Variants in NRP2 observed in about 807,000 individuals in gnomAD.
NRP2 encodes neuropilin-2.
NRP2 carries 52 observed loss-of-function variants against 110.4 expected under a neutral mutation model. The observed-to-expected ratio is 0.47, with a 90% CI of 0.38 to 0.59. The LOEUF (loss-of-function observed/expected upper bound fraction) is 0.59, where lower values mean the gene tolerates loss of function less well. NRP2 is among the 20% of genes least tolerant of loss of function. NRP2 has a pLI of 0.00. For synonymous variants in NRP2, 508 were observed against 468.9 expected, an observed-to-expected ratio of 1.08 and a Z score of -1.08; for missense variants, 1,049 against 1,203.0, an observed-to-expected ratio of 0.87 and a Z score of 1.89.
At chr2:205,716,972 C>G (rs1195897615) in intron 3 of NRP2, among the ~76,000 whole-genome samples, 1 of 152,182 alleles carries the variant, frequency 6.6e-6, no homozygotes, top group Non-Finnish European at 1.5e-5. Context: ...CAAAAAATAG[C>G]AGAAAAAGAG....
intron 15 of NRP2, among the ~76,000 whole-genome samples, chr2:205,772,816 G>T (rs2058042697): frequency 6.6e-6 from 1 of 152,192 alleles, no homozygotes; most frequent in African/African-American, 2.4e-5. Context: ...AGCAATTCGG[G>T]CATCTGGTGC....
At position 205,755,941 on chromosome 2, in the gene NRP2, G is replaced by A. The variant is rs558752734; in HGVS notation, c.2044+2966G>A. Reference sequence around the variant, plus strand: ...CTAGCCGTGTTGAAGTACCCAACACGGGCCCTATGTGGAAACTGCTTACAT... The same window carrying A: ...CTAGCCGTGTTGAAGTACCCAACACAGGCCCTATGTGGAAACTGCTTACAT... On this transcript the variant is annotated intron_variant, in intron 12 of 16. Coordinates refer to ENST00000357785, the MANE Select transcript of NRP2 (RefSeq NM_003872.3). Among the ~76,000 whole-genome samples, 12 of 152,216 alleles carry A rather than the reference G, an allele frequency of 7.9e-5. 1 individual carries two copies. The highest frequency in any genetic ancestry group is 2.1e-4 in the South Asian group (1 of 4,814).
At chr2:205,704,268 C>A (rs1468544394) in intron 2 of NRP2, among the ~76,000 whole-genome samples, 2 of 152,162 alleles carry the variant, frequency 1.3e-5, no homozygotes. Context: ...GTGGCTTCAG[C>A]TGGTCTCCGT....
intron 1 of NRP2, among the ~76,000 whole-genome samples, chr2:205,691,801 T>C (rs1489711505): frequency 1.3e-5 from 2 of 152,206 alleles, no homozygotes; most frequent in African/African-American, 4.8e-5. Context: ...AATGACATTA[T>C]ATCGGCTGCC....
chr2:205,748,580 A>G (rs2057583376), intron 10 of NRP2, among the ~76,000 whole-genome samples: 1 of 152,248 alleles, frequency 6.6e-6, no homozygotes, highest in Admixed American at 6.5e-5. Flanking sequence ...CCGACCGTGA[A>G]AAAGCTATTC....
rs1169376346 is a variant in NRP2 at position 205,763,954 on chromosome 2, G to C, written c.2307+18G>C. 1 of 1,613,748 alleles carries C rather than the reference G, an allele frequency of 6.2e-7. No homozygotes were observed. Among genetic ancestry groups the C allele is most frequent in the Admixed American group, 1.7e-5 (1 of 60,004 alleles). On this transcript the variant is annotated intron_variant, in intron 13 of 16. Transcript: ENST00000357785. The surrounding 1 kb of genome is among the most constrained non-coding windows in gnomAD (Gnocchi z 4.0). ...AGTACCAGGTGGGGTGAGCAAAAAGGGAATCTTGTGATCCGTATTTCAATA... is the reference window on the plus strand; with the variant it reads ...AGTACCAGGTGGGGTGAGCAAAAAGCGAATCTTGTGATCCGTATTTCAATA...
chr2:205,776,742 C>T (rs2058107371), intron 15 of NRP2: 2 of 1,459,550 alleles, frequency 1.4e-6, no homozygotes, highest in Admixed American at 2.3e-5. Context: ...GATTCCAAAC[C>T]AACAAACCCA....
At chr2:205,777,445 G>A (rs1383004503) in intron 15 of NRP2, 2 of 152,208 alleles carry the variant, frequency 1.3e-5, no homozygotes, top group Non-Finnish European at 2.9e-5. Context: ...GCCTTTATCA[G>A]TTACATCCAA....
In NRP2 at chr2:205,794,812, C is replaced by A. The variant is rs1394227256; in HGVS notation, c.2535C>A (p.Pro845=). The change falls in exon 17 of 17, where the codon CCC becomes CCA. Residue 845 remains proline, a synonymous_variant. Transcript: ENST00000357785. ...SSSATSGSGA[P]STDKEKSWLY... Reference sequence around the variant, plus strand: ...CTGCAACCTCAGGGTCTGGCGCCCCCTCGACCGACAAAGAAAAGAGCTGGC... The same window carrying A: ...CTGCAACCTCAGGGTCTGGCGCCCCATCGACCGACAAAGAAAAGAGCTGGC... The A allele has an allele frequency of 6.2e-7, 1 of 1,614,210 alleles. No individual in the cohort carries two copies.
chr2:205,721,638 G>C (rs1266540452), intron 3 of NRP2, among the ~76,000 whole-genome samples: 1 of 152,172 alleles, frequency 6.6e-6, no homozygotes, highest in Non-Finnish European at 1.5e-5. Flanking sequence ...ACCAGGATGC[G>C]AATGTGTGCC....
rs2056156665 is a variant in NRP2, at chr2:205,686,180, C to G, written c.73+2817C>G. Among the ~76,000 whole-genome samples, 1 of 152,158 alleles carries G rather than the reference C, an allele frequency of 6.6e-6. No homozygotes were observed. The highest frequency in any genetic ancestry group is 6.5e-5 in the Admixed American group (1 of 15,288). On this transcript the variant is annotated intron_variant, in intron 1 of 16. Coordinates refer to ENST00000357785, the MANE Select transcript of NRP2 (RefSeq NM_003872.3). This position sits in a 1 kb window ranked among gnomAD's most constrained non-coding sequence, Gnocchi z 4.7. ...GAAAGCAAAACCGAGGCTGAAGCCT[C>G]CGCGAAGTTGGCCGCCTCCAACTAC...
At chr2:205,734,893 G>T (rs976615183) in intron 7 of NRP2, among the ~76,000 whole-genome samples, 1 of 152,196 alleles carries the variant, frequency 6.6e-6, no homozygotes, top group Non-Finnish European at 1.5e-5. Context: ...CCCTGGAGCT[G>T]GCTGACTTCA....
Position 205,682,706 on chromosome 2 carries a change from G to T in NRP2, c.-585G>T, listed in dbSNP as rs1377768599. The T allele has an allele frequency of 2.5e-5, 4 of 162,570 alleles. No individual in the cohort carries two copies. In the Admixed American group the frequency reaches 2.5e-4, roughly 10 times the overall value. 10.1% of individuals were successfully genotyped at this position (162,570 alleles called of 1,614,324 possible). A position where few individuals can be genotyped will look rare whatever the true frequency, so the allele number is the denominator to read the frequency against. ...TCCTTCCTCAGACTCCCCTCGAGAG[G>T]CTGGCCAAGCGGGTGTAGCCGTTGG... On this transcript the variant is annotated 5_prime_UTR_variant, in exon 1 of 17. Transcript: ENST00000357785. The surrounding 1 kb of genome is among the most constrained non-coding windows in gnomAD (Gnocchi z 4.3).
intron 3 of NRP2, chr2:205,722,266 A>T: frequency 1.7e-6 from 1 of 604,452 alleles, no homozygotes. Flanking sequence ...TCTCACTCTA[A>T]TAATTATGTA....
chr2:205,690,995 G>A (rs915628518), intron 1 of NRP2, among the ~76,000 whole-genome samples: 1 of 152,086 alleles, frequency 6.6e-6, no homozygotes, highest in Admixed American at 6.5e-5. Context: ...GGGAAGCGCA[G>A]TAGCTGTGGC....
chr2:205,696,563 G>T (rs150706925), intron 1 of NRP2, among the ~76,000 whole-genome samples: 8 of 152,192 alleles, frequency 5.3e-5, no homozygotes, highest in African/African-American at 9.7e-5. Context: ...CTTTACTCCC[G>T]AATAGATGAG....
rs1396949312 is a variant in NRP2, at chr2:205,725,885, A to C, written c.821-28A>C. 1.2e-6 allele frequency: 2 copies of C among 1,613,242 alleles called. No individual in the cohort carries two copies. Among genetic ancestry groups the C allele is most frequent in the Non-Finnish European group, 1.7e-6 (2 of 1,179,946 alleles). ...CCGAGGTATGAGGTTGGAAGGCCTAACTGCATTTGACCGTCTGCTTTCCCC... is the reference window on the plus strand; with the variant it reads ...CCGAGGTATGAGGTTGGAAGGCCTACCTGCATTTGACCGTCTGCTTTCCCC... On this transcript the variant is annotated intron_variant, in intron 5 of 16. Transcript: ENST00000357785. The surrounding 1 kb of genome is among the most constrained non-coding windows in gnomAD (Gnocchi z 4.1).
intron 12 of NRP2, chr2:205,760,927 G>T (rs1020351897): frequency 2.6e-5 from 4 of 152,210 alleles, no homozygotes; most frequent in Non-Finnish European, 5.9e-5. Context: ...AAGGAAGAAG[G>T]CTGAATAATA....
intron 2 of NRP2, among the ~76,000 whole-genome samples, chr2:205,712,299 T>C (rs990260180): frequency 2.6e-5 from 4 of 152,194 alleles, no homozygotes; most frequent in Admixed American, 2.0e-4. Context: ...GAATTTTTCG[T>C]TTAGGAGAGA....
Sources: gnomAD v4.1 joint callset for allele counts (sites outside exome capture counted in the v4.1 genomes callset) on GRCh38, gnomAD v4.1.1 for gene constraint, Gnocchi (gnomAD v3.1) non-coding constraint, MANE v1.5 for transcripts, NCBI Gene and HGNC (gene_info 2026-07-23, HGNC 2026-07-21) for gene names.